Variants in ZNF469 observed in about 807,000 individuals in gnomAD.
ZNF469 encodes zinc finger protein 469.
In ZNF469, 1 loss-of-function variant was observed where a neutral mutation model predicts 1.0. The observed-to-expected ratio is 1.00, with a 90% confidence interval of 0.35 to 4.73. ZNF469 has a LOEUF of 4.73. Ranked by LOEUF, ZNF469 falls within the 30% of genes most tolerant of loss-of-function variation. The probability of loss-of-function intolerance (pLI) is 0.16; values close to 1 mark genes in which losing one functional copy is unlikely to be tolerated. For missense variants in ZNF469, 6,100 were observed against 5,356.3 expected, an observed-to-expected ratio of 1.14 and a Z score of -4.33; for synonymous variants, 2,703 against 2,363.4, an observed-to-expected ratio of 1.14 and a Z score of -4.17.
At chr16:88,266,301 C>T in the ZNF469 span, among the ~76,000 whole-genome samples, 1 of 152,236 alleles carries the variant, frequency 6.6e-6, no homozygotes, top group South Asian at 2.1e-4. Flanking sequence ...CAGGTCCACG[C>T]TGACCACAGG....
the ZNF469 span, among the ~76,000 whole-genome samples, chr16:88,114,401 T>G: frequency 4.4e-5 from 3 of 67,544 alleles, no homozygotes; most frequent in South Asian, 5.4e-4. Flanking sequence ...GTCTCTGGGG[T>G]GGGGAATGAC....
rs1403155681 is a variant in ZNF469, at chr16:88,430,453, C to T, written c.2983C>T (p.Arg995Trp). 8 of 1,493,718 alleles carry T rather than the reference C, an allele frequency of 5.4e-6. No homozygotes were observed. In the Admixed American group the frequency reaches 8.7e-5, roughly 16 times the overall value. The allele number at this position is 1,493,718 out of a possible 1,614,324, so 92.5% of individuals were successfully genotyped here. ...CGGGGAGCGGCCCCCACCCCGTCCC[C>T]GGCGCCCTAGAACGCAGGCCCCCGG... ...GLGERPPPRP[R>W]RPRTQAPGSR... The change falls in exon 3 of 3, where the codon CGG (arginine) becomes TGG (tryptophan). Residue 995 changes from arginine (R) to tryptophan (W), a missense_variant. Coordinates refer to ENST00000565624, the MANE Select transcript of ZNF469 (RefSeq NM_001367624.2).
chr16:88,437,382 C>T lies in ZNF469; in HGVS notation c.9912C>T (p.Pro3304=). 3 of 1,536,992 alleles carry T rather than the reference C, an allele frequency of 2.0e-6. No individual in the cohort carries two copies. The highest frequency in any genetic ancestry group is 1.8e-6 in the Non-Finnish European group (2 of 1,141,014). Residue 3304 remains proline (P), a synonymous_variant, in exon 3 of 3, where the codon CCC becomes CCT. Coordinates refer to ENST00000565624, the MANE Select transcript of ZNF469 (RefSeq NM_001367624.2). The part of the protein sequence containing the change: ...TALADAGSPG[P]PRTTPSPSPD... ...TGGCTGACGCCGGCAGCCCGGGCCC[C>T]CCCAGGACGACCCCCAGCCCGTCCC...
At chr16:88,214,302 T>C in the ZNF469 span, among the ~76,000 whole-genome samples, 3 of 152,188 alleles carry the variant, frequency 2.0e-5, no homozygotes, top group African/African-American at 7.2e-5. Context: ...AAGGATTTCC[T>C]ATAAAGAAGA....
intron 1 of ZNF469, among the ~76,000 whole-genome samples, chr16:88,415,180 T>C (rs1905272219): frequency 6.6e-6 from 1 of 152,152 alleles, no homozygotes; most frequent in Non-Finnish European, 1.5e-5. Flanking sequence ...GAGGCAGTGC[T>C]GGCCCGGTGA....
upstream of ZNF469, among the ~76,000 whole-genome samples, chr16:88,381,419 C>T (rs1040321242): frequency 2.7e-5 from 4 of 149,658 alleles, no homozygotes; most frequent in Admixed American, 6.7e-5. Flanking sequence ...CAGACATGCA[C>T]TCTCTCACAC....
the ZNF469 span, among the ~76,000 whole-genome samples, chr16:88,143,843 C>G: frequency 6.6e-6 from 1 of 152,214 alleles, no homozygotes; most frequent in Non-Finnish European, 1.5e-5. Context: ...CCTGCATCTT[C>G]ACTTGTCTGC....
the ZNF469 span, among the ~76,000 whole-genome samples, chr16:88,185,765 C>CACAG: frequency 4.7e-5 from 7 of 150,012 alleles, no homozygotes; most frequent in East Asian, 1.4e-3. Flanking sequence ...GACCCACAGA[C>CACAG]ACATTCGCAC....
At chr16:88,361,751 C>G in the ZNF469 span, among the ~76,000 whole-genome samples, 2 of 151,732 alleles carry the variant, frequency 1.3e-5, no homozygotes, top group Admixed American at 1.3e-4. Flanking sequence ...TATGTTCTTG[C>G]TTTTCATGTC....
the ZNF469 span, among the ~76,000 whole-genome samples, chr16:88,335,392 G>A: frequency 9.9e-5 from 15 of 152,212 alleles, no homozygotes; most frequent in Non-Finnish European, 2.1e-4. Flanking sequence ...TGCTCTGTGG[G>A]CAGCTGGGCT....
the ZNF469 span, among the ~76,000 whole-genome samples, chr16:88,350,496 C>T: frequency 6.6e-6 from 1 of 152,374 alleles, no homozygotes; most frequent in Non-Finnish European, 1.5e-5. Flanking sequence ...CAGGTCGCCT[C>T]CCTCTCAGAG....
chr16:88,430,119 C>G lies in ZNF469; in HGVS notation c.2649C>G (p.His883Gln), dbSNP rs1448973141. Residue 883 changes from histidine (H) to glutamine (Q), a missense_variant, in exon 3 of 3, where the codon CAC (histidine) becomes CAG (glutamine). Physicochemically the swap from His to Gln is conservative, Grantham distance 24. Transcript: ENST00000565624. ...GCCCCAGAGGTCCCAGCTCCGGACA[C>G]CCCCTTAAGAGCAAGGCGGGGGTGA... ...PSGPRGPSSGHPLKSKAGVTP... is the reference protein window; with the variant it reads ...PSGPRGPSSGQPLKSKAGVTP... 1.9e-6 allele frequency: 3 copies of G among 1,550,228 alleles called. No homozygotes were observed. Among genetic ancestry groups the G allele is most frequent in the Admixed American group, 3.9e-5 (2 of 51,016 alleles).
the ZNF469 span, among the ~76,000 whole-genome samples, chr16:88,330,356 G>A: frequency 6.6e-6 from 1 of 152,224 alleles, no homozygotes; most frequent in Non-Finnish European, 1.5e-5. Flanking sequence ...CCACGTTGCC[G>A]TGATGATGTG....
chr16:88,131,619 G>C, the ZNF469 span, among the ~76,000 whole-genome samples: 6 of 152,364 alleles, frequency 3.9e-5, 1 homozygote, highest in Admixed American at 1.3e-4. Flanking sequence ...AATGCCCCTT[G>C]GGCTTGGGCA....
At chr16:88,373,891 G>C in the ZNF469 span, among the ~76,000 whole-genome samples, 1 of 152,134 alleles carries the variant, frequency 6.6e-6, no homozygotes, top group African/African-American at 2.4e-5. Flanking sequence ...CAGATACTTG[G>C]GAGGCTGAGG....
the ZNF469 span, among the ~76,000 whole-genome samples, chr16:88,122,803 GTATA>G: frequency 2.2e-3 from 324 of 150,146 alleles, 1 homozygote; most frequent in African/African-American, 7.5e-3. Context: ...GTATATATAT[GTATA>G]TATATGCTTA....
chr16:88,217,154 C>G, the ZNF469 span, among the ~76,000 whole-genome samples: 2 of 131,890 alleles, frequency 1.5e-5, no homozygotes, highest in Non-Finnish European at 3.4e-5. Flanking sequence ...TGATTGAATA[C>G]TAACACGGTG....
At chr16:88,203,547 AT>A in the ZNF469 span, among the ~76,000 whole-genome samples, 11 of 152,176 alleles carry the variant, frequency 7.2e-5, no homozygotes, top group Middle Eastern at 3.4e-3. Flanking sequence ...AAGCCGTGGA[AT>A]TCACTCCCTC....
the ZNF469 span, among the ~76,000 whole-genome samples, chr16:88,146,296 G>T: frequency 6.6e-6 from 1 of 152,188 alleles, no homozygotes; most frequent in East Asian, 1.9e-4. Flanking sequence ...GCGGGCCACC[G>T]TAGCACATCC....
Sources: allele counts gnomAD v4.1 joint callset (sites outside exome capture counted in the v4.1 genomes callset), GRCh38; gene constraint gnomAD v4.1.1; transcripts MANE v1.5; gene names NCBI Gene and HGNC (gene_info 2026-07-23, HGNC 2026-07-21).